The following A1CF variants were observed in gnomAD, a reference collection of about 807,000 sequenced individuals.
The protein encoded by A1CF is APOBEC-1 stimulating protein.
A1CF carries 48 observed loss-of-function variants against 68.9 expected under a neutral mutation model. The observed-to-expected ratio is 0.70, with a 90% CI of 0.55 to 0.89. The LOEUF (loss-of-function observed/expected upper bound fraction) is 0.89, where lower values mean the gene tolerates loss of function less well. Ranked by LOEUF, A1CF falls within the 40% of genes least tolerant of loss-of-function variation. The probability of loss-of-function intolerance (pLI) is 0.00; values close to 1 mark genes in which losing one functional copy is unlikely to be tolerated. For synonymous variants in A1CF, 272 were observed against 260.4 expected (o/e 1.04, Z -0.43); for missense variants, 653 against 718.9 (o/e 0.91, Z 1.05).
chr10:50,880,203 A>G (rs1841705922), intron 1 of A1CF, among the ~76,000 whole-genome samples: 2 of 152,046 alleles, frequency 1.3e-5, no homozygotes, highest in Admixed American at 6.5e-5. Flanking sequence ...CCAGTGTTCC[A>G]TTTGTCCTTT....
At chr10:50,875,178 G>T (rs995175469) in intron 1 of A1CF, among the ~76,000 whole-genome samples, 7 of 152,220 alleles carry the variant, frequency 4.6e-5, no homozygotes, top group African/African-American at 1.7e-4. Flanking sequence ...CAGGAGAAAA[G>T]AATAATTCAA....
chr10:50,808,116 T>C (rs1272709249), intron 12 of A1CF, among the ~76,000 whole-genome samples: 3 of 152,234 alleles, frequency 2.0e-5, no homozygotes, highest in Non-Finnish European at 2.9e-5. Context: ...CATGCATGCA[T>C]GTGTTTGTGG....
At chr10:50,842,534 C>T (rs556684176) in intron 4 of A1CF, among the ~76,000 whole-genome samples, 16 of 152,210 alleles carry the variant, frequency 1.1e-4, no homozygotes, top group African/African-American at 3.1e-4. Flanking sequence ...TTGCTTGAGC[C>T]CAGGCAATAG....
intron 3 of A1CF, among the ~76,000 whole-genome samples, chr10:50,847,273 G>A (rs965219428): frequency 2.6e-5 from 4 of 152,110 alleles, no homozygotes; most frequent in African/African-American, 9.7e-5. Context: ...TGTCTCTCTA[G>A]AGTCATATAC....
chr10:50,833,464 A>G (rs1325017622), intron 6 of A1CF, among the ~76,000 whole-genome samples: 2 of 152,208 alleles, frequency 1.3e-5, no homozygotes, highest in Non-Finnish European at 2.9e-5. Flanking sequence ...TGTTCTGTAA[A>G]GAGCTCAATA....
At chr10:50,834,107 C>T (rs535254690) in intron 6 of A1CF, among the ~76,000 whole-genome samples, 107 of 152,226 alleles carry the variant, frequency 7.0e-4, no homozygotes, top group African/African-American at 2.4e-3. Flanking sequence ...GGAGTTCCTT[C>T]GGTGGGCCAA....
At chr10:50,861,502 G>C (rs547584470) in intron 2 of A1CF, among the ~76,000 whole-genome samples, 56 of 148,332 alleles carry the variant, frequency 3.8e-4, no homozygotes, top group African/African-American at 1.4e-3. Flanking sequence ...TAACAGAATA[G>C]TAATAAGATA....
At chr10:50,843,259 C>G (rs144921961) in intron 4 of A1CF, among the ~76,000 whole-genome samples, 2 of 152,122 alleles carry the variant, frequency 1.3e-5, no homozygotes, top group Non-Finnish European at 2.9e-5. Context: ...AAGATTCTTA[C>G]AGAATTAAGT....
At chr10:50,842,476 T>C (rs987155376) in intron 4 of A1CF, among the ~76,000 whole-genome samples, 40 of 152,248 alleles carry the variant, frequency 2.6e-4, no homozygotes, top group African/African-American at 9.4e-4. Context: ...CTGAGCGTGG[T>C]GGCACGTGCT....
At chr10:50,810,156 G>C in intron 11 of A1CF, 114 bp from the exon 12 acceptor site, 5 of 1,227,030 alleles carry the variant, frequency 4.1e-6, no homozygotes, top group Non-Finnish European at 4.5e-6. Flanking sequence ...TTTTGAGTGG[G>C]TGTTTTTCAT....
At chr10:50,817,734 G>T (rs1588972469) in intron 8 of A1CF, among the ~76,000 whole-genome samples, 1 of 152,154 alleles carries the variant, frequency 6.6e-6, no homozygotes, top group South Asian at 2.1e-4. Flanking sequence ...GTTTTGCATG[G>T]AATGATTCTT....
At position 50,844,078 on chromosome 10, in the gene A1CF, A is replaced by G; in HGVS notation, c.144T>C (p.Asp48=). ...CACAGCCCCTTTCAGGGGGTGCAGC[A>G]TCCCAACCAGGTGGAGGGCCACCAT... The part of the protein sequence containing the change: ...RKYGGPPPGW[D]AAPPERGCEI... The change falls in exon 4 of 13, where the codon GAT becomes GAC. Residue 48 remains aspartate, a synonymous_variant. Coordinates refer to ENST00000373997, the MANE Select transcript of A1CF (RefSeq NM_014576.4). 6.2e-7 allele frequency: 1 copy of G among 1,613,256 alleles called. No individual in the cohort carries two copies. Among genetic ancestry groups the G allele is most frequent in the Admixed American group, 1.7e-5 (1 of 59,870 alleles).
chr10:50,850,656 T>A, intron 3 of A1CF: 1 of 1,613,922 alleles, frequency 6.2e-7, no homozygotes. Context: ...TCTAAGACCC[T>A]CTGCTTACCT....
chr10:50,812,505 T>C (rs1838164117), intron 10 of A1CF, among the ~76,000 whole-genome samples: 2 of 152,352 alleles, frequency 1.3e-5, no homozygotes, highest in South Asian at 4.1e-4. Context: ...AAGAGATCTC[T>C]TTTCATACTA....
chr10:50,836,451 G>A, intron 5 of A1CF, 139 bp from the exon 6 acceptor site: 2 of 874,992 alleles, frequency 2.3e-6, no homozygotes, highest in Non-Finnish European at 3.4e-6. Context: ...GGAGAGTTGT[G>A]GCTTCTTTTG....
At chr10:50,859,555 T>C (rs1311536551) in intron 3 of A1CF, among the ~76,000 whole-genome samples, 1 of 152,226 alleles carries the variant, frequency 6.6e-6, no homozygotes, top group Non-Finnish European at 1.5e-5. Context: ...TTCTACTTCA[T>C]AGCCTTGGGT....
intron 5 of A1CF, among the ~76,000 whole-genome samples, chr10:50,837,859 T>C (rs945614853): frequency 8.5e-5 from 13 of 152,166 alleles, no homozygotes; most frequent in African/African-American, 2.4e-4. Context: ...CAGTTCACAA[T>C]TGGCTGCTAG....
chr10:50,837,672 A>T (rs1211030272), intron 5 of A1CF, among the ~76,000 whole-genome samples: 2 of 152,226 alleles, frequency 1.3e-5, no homozygotes, highest in Non-Finnish European at 2.9e-5. Context: ...ACATGCCAAT[A>T]GTGACCAATC....
chr10:50,867,795 C>G (rs1215373494), intron 1 of A1CF, among the ~76,000 whole-genome samples: 1 of 152,078 alleles, frequency 6.6e-6, no homozygotes, highest in Non-Finnish European at 1.5e-5. Context: ...AGTAATTATC[C>G]TCGACTTTAA....
Sources: allele counts gnomAD v4.1 joint callset (sites outside exome capture counted in the v4.1 genomes callset), GRCh38; gene constraint gnomAD v4.1.1; transcripts MANE v1.5; gene names NCBI Gene and HGNC (gene_info 2026-07-23, HGNC 2026-07-21).